The following CSMD2 variants were observed in gnomAD, a reference collection of about 807,000 sequenced individuals.
CSMD2 encodes CUB and sushi domain-containing protein 2.
A neutral mutation model predicts 398.5 loss-of-function variants in CSMD2; 130 were observed. That is an observed-to-expected ratio of 0.33 (90% CI 0.28 to 0.38). The LOEUF (loss-of-function observed/expected upper bound fraction) is 0.38. Among genes scored for constraint, CSMD2 ranks in the 10% least tolerant of loss-of-function variants. The pLI, the probability that CSMD2 is intolerant of heterozygous loss-of-function variation, is 1.00. For missense variants in CSMD2, 3,829 were observed against 4,764.9 expected, an observed-to-expected ratio of 0.80 and a Z score of 5.78; for synonymous variants, 1,828 against 1,908.5, an observed-to-expected ratio of 0.96 and a Z score of 1.10.
chr1:33,972,606 G>A (rs1372439527), intron 3 of CSMD2, among the ~76,000 whole-genome samples: 1 of 152,134 alleles, frequency 6.6e-6, no homozygotes, highest in African/African-American at 2.4e-5. Flanking sequence ...AGAGTGACGG[G>A]AGGACGGGGC....
chr1:33,645,388 CACACATAT>C (rs1284662438), intron 29 of CSMD2, among the ~76,000 whole-genome samples: 17 of 134,940 alleles, frequency 1.3e-4, no homozygotes, highest in African/African-American at 5.2e-4. Flanking sequence ...CACACACACA[CACACATAT>C]ATAAAATATG....
At chr1:33,788,575 C>T (rs1449680688) in intron 12 of CSMD2, 25 bp downstream of exon 12, 3 of 1,263,440 alleles carry the variant, frequency 2.4e-6, no homozygotes, top group African/African-American at 1.5e-5. Context: ...GGACACAGTT[C>T]ATCTGGCTTG....
At chr1:33,970,671 C>T (rs1409265306) in intron 3 of CSMD2, among the ~76,000 whole-genome samples, 2 of 152,232 alleles carry the variant, frequency 1.3e-5, no homozygotes, top group Non-Finnish European at 2.9e-5. Flanking sequence ...CAGGGCCTAC[C>T]TGAGTCCAGG....
chr1:33,751,406 C>A (rs1221356604), intron 13 of CSMD2, among the ~76,000 whole-genome samples: 2 of 152,092 alleles, frequency 1.3e-5, no homozygotes, highest in Non-Finnish European at 2.9e-5. Flanking sequence ...TGAAAATGAT[C>A]CACTGGGTTT....
At chr1:34,044,524 TCATGAGGCTGTTGCTATGTCAGC>T (rs57214818) in intron 2 of CSMD2, among the ~76,000 whole-genome samples, 6,703 of 152,108 alleles carry the variant, frequency 0.044, 219 homozygotes, top group East Asian at 0.15. Flanking sequence ...GCTACAACAA[TCATGAGGCTGTTGCTATGTCAGC>T]CATGAGGCTG....
Position 33,819,803 on chromosome 1 carries a change from C to T in CSMD2, c.1234G>A (p.Gly412Ser). The change falls in exon 9 of 71, where the codon GGC (glycine) becomes AGC (serine). Residue 412 changes from glycine (G) to serine (S), a missense_variant. Physicochemically the swap from Gly to Ser is moderately conservative, Grantham distance 56 (BLOSUM62 0). This residue lies in a region of CSMD2 where 2,001 missense variants were observed against 2,567.1 expected (regional missense o/e 0.78). Coordinates refer to ENST00000373381, the MANE Select transcript of CSMD2 (RefSeq NM_001281956.2). ...CGCTTGGACCCTTGCAGGTCATAGCCCTCGTTGCAGGTGAACTGGACGCTG... is the reference window on the plus strand; with the variant it reads ...CGCTTGGACCCTTGCAGGTCATAGCTCTCGTTGCAGGTGAACTGGACGCTG... Reference protein sequence around the residue: ...GSSVQFTCNEGYDLQGSKRIT... With the variant: ...GSSVQFTCNESYDLQGSKRIT... The T allele has an allele frequency of 6.2e-7, 1 of 1,614,088 alleles. No individual in the cohort carries two copies. Among genetic ancestry groups the T allele is most frequent in the Non-Finnish European group, 8.5e-7 (1 of 1,179,982 alleles).
intron 3 of CSMD2, among the ~76,000 whole-genome samples, chr1:34,010,551 A>C (rs115433994): frequency 0.015 from 2,220 of 152,134 alleles, 50 homozygotes; most frequent in African/African-American, 0.051. Flanking sequence ...TAACCAATGG[A>C]GCTGGACCCG....
chr1:34,075,987 A>G (rs565549937), intron 2 of CSMD2, among the ~76,000 whole-genome samples: 9 of 152,210 alleles, frequency 5.9e-5, no homozygotes, highest in African/African-American at 2.2e-4. Context: ...ATCAGCTTCT[A>G]TTGTAAATTT....
At chr1:33,775,766 T>C (rs1182246481) in intron 12 of CSMD2, among the ~76,000 whole-genome samples, 2 of 152,126 alleles carry the variant, frequency 1.3e-5, no homozygotes, top group African/African-American at 2.4e-5. Flanking sequence ...AGCTCATAGA[T>C]TGTAAAAGAA....
intron 1 of CSMD2, among the ~76,000 whole-genome samples, chr1:34,159,740 C>T (rs983610760): frequency 6.6e-6 from 1 of 152,198 alleles, no homozygotes; most frequent in African/African-American, 2.4e-5. Flanking sequence ...CCGGTGAGTA[C>T]TCAGTGAATA....
intron 2 of CSMD2, among the ~76,000 whole-genome samples, chr1:34,050,563 C>T (rs566872657): frequency 1.3e-5 from 2 of 152,318 alleles, no homozygotes; most frequent in South Asian, 4.1e-4. Flanking sequence ...AATTACAATG[C>T]CAGCTAGGTG....
intron 53 of CSMD2, among the ~76,000 whole-genome samples, chr1:33,562,958 A>G (rs1474924575): frequency 1.3e-5 from 2 of 151,706 alleles, no homozygotes; most frequent in African/African-American, 4.8e-5. Flanking sequence ...AATAAATTGC[A>G]CTCTCTCTCT....
chr1:33,981,040 C>A lies in CSMD2; in HGVS notation c.518-45086G>T, dbSNP rs531414048. Among the ~76,000 whole-genome samples, 9 of 152,156 alleles carry A rather than the reference C, an allele frequency of 5.9e-5. No homozygotes were observed. In the South Asian group the frequency reaches 1.9e-3, roughly 32 times the overall value. On this transcript the variant is annotated intron_variant, in intron 3 of 70. Coordinates refer to ENST00000373381, the MANE Select transcript of CSMD2 (RefSeq NM_001281956.2). ...AGGCGAACCAGTCTTATTTGTGGGC[C>A]CGTGAGAGATACCCCTGGGGTCTCT...
chr1:33,556,644 T>C (rs947600376), intron 55 of CSMD2, among the ~76,000 whole-genome samples: 2 of 152,192 alleles, frequency 1.3e-5, no homozygotes, highest in Non-Finnish European at 2.9e-5. Flanking sequence ...TGTCAGGTGA[T>C]ATGGTTTGGC....
chr1:34,076,404 G>C (rs1656335629), intron 2 of CSMD2, among the ~76,000 whole-genome samples: 1 of 152,180 alleles, frequency 6.6e-6, no homozygotes, highest in African/African-American at 2.4e-5. Flanking sequence ...TGGCATTTGG[G>C]GACAGATAAT....
At chr1:34,047,647 A>T (rs1652683654) in intron 2 of CSMD2, among the ~76,000 whole-genome samples, 1 of 152,172 alleles carries the variant, frequency 6.6e-6, no homozygotes, top group African/African-American at 2.4e-5. Flanking sequence ...TAATTACTGA[A>T]GACACAATTA....
chr1:33,765,656 T>C (rs1355422932), intron 13 of CSMD2, among the ~76,000 whole-genome samples: 1 of 152,194 alleles, frequency 6.6e-6, no homozygotes, highest in Non-Finnish European at 1.5e-5. Context: ...CTTTGTCAGC[T>C]TTGAAAATAA....
Position 33,674,562 on chromosome 1 carries a change from T to A in CSMD2, c.4053-11470A>T, listed in dbSNP as rs564692392. On this transcript the variant is annotated intron_variant, in intron 25 of 70. Transcript: ENST00000373381. Reference sequence around the variant, plus strand: ...TAGACAGATCAACAAGACAGAAAGTTAACAAGGATATCCAGGAATTGAACT... The same window carrying A: ...TAGACAGATCAACAAGACAGAAAGTAAACAAGGATATCCAGGAATTGAACT... Among the ~76,000 whole-genome samples, 16 of 152,184 alleles carry A rather than the reference T, an allele frequency of 1.1e-4. No homozygotes were observed. In the East Asian group the frequency reaches 3.1e-3, roughly 29 times the overall value.
rs770641551 is a variant in CSMD2 at position 33,622,263 on chromosome 1, C to T, written c.5731G>A (p.Val1911Met). The change falls in exon 37 of 71, where the codon GTG (valine) becomes ATG (methionine). Residue 1911 changes from valine to methionine, a missense_variant. Val to Met is a conservative substitution (Grantham distance 21). Around this residue, in one of 5 missense-constraint regions of CSMD2, gnomAD observed 2,001 missense variants for 2,567.1 expected, o/e 0.78. Transcript: ENST00000373381. ...GAGGTGCTGTTCAGAAGGGCAGGCA[C>T]GGTTGTTCCTAGGGCAAGGACACCA... ...TMLGSFSGTT[V>M]PALLNSTSNQ... 1.5e-5 allele frequency: 25 copies of T among 1,613,560 alleles called. No homozygotes were observed. The highest frequency in any genetic ancestry group is 1.7e-5 in the Admixed American group (1 of 60,004).
Sources: gnomAD v4.1 joint callset for allele counts (sites outside exome capture counted in the v4.1 genomes callset) on GRCh38, gnomAD v4.1.1 for gene constraint, gnomAD v4.1.1 regional missense constraint, MANE v1.5 for transcripts, NCBI Gene and HGNC (gene_info 2026-07-23, HGNC 2026-07-21) for gene names.